CASD1: variants seen among roughly 807,000 people sequenced by gnomAD.
CASD1 encodes N-acetylneuraminate (7)9-O-acetyltransferase.
A neutral mutation model predicts 100.0 loss-of-function variants in CASD1; 41 were observed. The observed-to-expected ratio is 0.41, with a 90% CI of 0.32 to 0.53. The LOEUF (loss-of-function observed/expected upper bound fraction) is 0.53. Among genes scored for constraint, CASD1 ranks in the 20% least tolerant of loss-of-function variants. The pLI is 0.25. For synonymous variants in CASD1, 321 were observed against 315.6 expected, an observed-to-expected ratio of 1.02 and a Z score of -0.18; for missense variants, 774 against 948.7, an observed-to-expected ratio of 0.82 and a Z score of 2.42.
chr7:94,623,588 A>G, the CASD1 span: 3 of 589,444 alleles, frequency 5.1e-6, no homozygotes, highest in Non-Finnish European at 9.0e-6. Flanking sequence ...ATAAATAATT[A>G]GTCAGGTCTA....
the CASD1 span, among the ~76,000 whole-genome samples, chr7:94,592,244 C>A: frequency 6.6e-6 from 1 of 152,162 alleles, no homozygotes; most frequent in East Asian, 1.9e-4. Flanking sequence ...TACTTTATAA[C>A]AGCACTGCTT....
At chr7:94,603,465 G>A in the CASD1 span, 2 of 1,611,304 alleles carry the variant, frequency 1.2e-6, no homozygotes, top group Non-Finnish European at 1.7e-6. Flanking sequence ...GTAAAAATGT[G>A]AAACTCTCAG....
At chr7:94,575,973 G>T in the CASD1 span, among the ~76,000 whole-genome samples, 1 of 151,728 alleles carries the variant, frequency 6.6e-6, no homozygotes, top group Non-Finnish European at 1.5e-5. Flanking sequence ...CTCTGAGTTT[G>T]TCCTACTTGG....
rs1393012263 is a variant in CASD1, at chr7:94,556,953, A to T, written c.*1195A>T. 2 of 152,106 alleles carry T rather than the reference A, an allele frequency of 1.3e-5. No individual in the cohort carries two copies. Among genetic ancestry groups the T allele is most frequent in the Non-Finnish European group, 2.9e-5 (2 of 67,950 alleles). The allele number at this position is 152,106 out of a possible 1,614,324, so 9.4% of individuals were successfully genotyped here. On this transcript the variant is annotated 3_prime_UTR_variant, in exon 18 of 18. Coordinates refer to ENST00000297273, the MANE Select transcript of CASD1 (RefSeq NM_022900.5). ...GGAGTAATTTAAACAGTAAATAAAC[A>T]TTCTGTGGATGCTTATTTTTGTATT...
chr7:94,518,172 A>G (rs2116203193), intron 2 of CASD1, 31 bp from the exon 3 acceptor site: 3 of 1,472,976 alleles, frequency 2.0e-6, no homozygotes, highest in East Asian at 2.6e-5. Flanking sequence ...GATTTTACTT[A>G]TTTTAATTAA....
the CASD1 span, chr7:94,599,019 G>T: frequency 7.7e-7 from 1 of 1,291,406 alleles, no homozygotes; most frequent in Non-Finnish European, 1.1e-6. Flanking sequence ...TAGCCTGATG[G>T]GTCATCAATT....
intron 5 of CASD1, among the ~76,000 whole-genome samples, chr7:94,529,122 A>T (rs566634605): frequency 6.6e-6 from 1 of 152,288 alleles, no homozygotes; most frequent in Admixed American, 6.5e-5. Flanking sequence ...TTTCTGGTAA[A>T]TTGAGGTCTA....
intron 5 of CASD1, among the ~76,000 whole-genome samples, chr7:94,529,791 A>G (rs1002816400): frequency 6.6e-6 from 1 of 152,172 alleles, no homozygotes; most frequent in African/African-American, 2.4e-5. Flanking sequence ...TGAAAGTACC[A>G]TGGATAGACA....
chr7:94,609,817 AAC>A, the CASD1 span, among the ~76,000 whole-genome samples: 1 of 152,212 alleles, frequency 6.6e-6, no homozygotes, highest in African/African-American at 2.4e-5. Flanking sequence ...CTTACAAAAT[AAC>A]ATACTTTTAC....
chr7:94,595,730 A>G, the CASD1 span, among the ~76,000 whole-genome samples: 425 of 152,262 alleles, frequency 2.8e-3, 1 homozygote, highest in Non-Finnish European at 4.4e-3. Context: ...GAATTTGCAT[A>G]AAGGACAGCT....
chr7:94,631,550 C>A, the CASD1 span, among the ~76,000 whole-genome samples: 1 of 151,846 alleles, frequency 6.6e-6, no homozygotes, highest in African/African-American at 2.4e-5. Context: ...CAATATGGCT[C>A]TTAAAATACT....
At chr7:94,546,876 A>T (rs942315820) in intron 12 of CASD1, among the ~76,000 whole-genome samples, 15 of 151,934 alleles carry the variant, frequency 9.9e-5, no homozygotes, top group African/African-American at 3.6e-4. Context: ...TGTACAGGGT[A>T]TCAGTTATAC....
chr7:94,533,214 G>A lies in CASD1; in HGVS notation c.469G>A (p.Ala157Thr), dbSNP rs1236090321. The change falls in exon 6 of 18, where the codon GCA (alanine) becomes ACA (threonine). Residue 157 changes from alanine (A) to threonine (T), a missense_variant. Physicochemically the swap from Ala to Thr is moderately conservative, Grantham distance 58. This residue lies in a region of CASD1 where 453 missense variants were observed against 532.6 expected (regional missense o/e 0.85). Transcript: ENST00000297273. ...ATTTGTCTTCCTTTAGGATTCCATT[G>A]CAAAGCCACATGTGATTGTAGCAGG... ...CIKVWTEDSIAKPHVIVAGAA... is the reference protein window; with the variant it reads ...CIKVWTEDSITKPHVIVAGAA... 6.2e-7 allele frequency: 1 copy of A among 1,607,906 alleles called. No homozygotes were observed. The highest frequency in any genetic ancestry group is 1.1e-5 in the South Asian group (1 of 90,220).
At chr7:94,542,741 A>G (rs941948829) in intron 10 of CASD1, among the ~76,000 whole-genome samples, 1 of 152,204 alleles carries the variant, frequency 6.6e-6, no homozygotes, top group Non-Finnish European at 1.5e-5. Context: ...TAGGCAATCC[A>G]CGAAGGGGAT....
chr7:94,612,025 C>T, the CASD1 span, among the ~76,000 whole-genome samples: 2 of 152,132 alleles, frequency 1.3e-5, no homozygotes, highest in Non-Finnish European at 1.5e-5. Context: ...TTAAGCCTTG[C>T]ATACATTCAG....
At chr7:94,604,856 TA>T in the CASD1 span, among the ~76,000 whole-genome samples, 1 of 86,286 alleles carries the variant, frequency 1.2e-5, no homozygotes, top group Admixed American at 1.2e-4. Context: ...TATATATATA[TA>T]TAATAGTTGT....
intron 1 of CASD1, among the ~76,000 whole-genome samples, chr7:94,515,442 T>G (rs1395110702): frequency 6.6e-6 from 1 of 151,428 alleles, no homozygotes; most frequent in Non-Finnish European, 1.5e-5. Context: ...TACGGGTTCA[T>G]CAGATTAGAG....
At chr7:94,632,272 T>C in the CASD1 span, among the ~76,000 whole-genome samples, 1 of 151,974 alleles carries the variant, frequency 6.6e-6, no homozygotes, top group Non-Finnish European at 1.5e-5. Context: ...GGTCCTGAAG[T>C]GGAACCATTA....
At chr7:94,562,103 A>G in the CASD1 span, among the ~76,000 whole-genome samples, 1 of 152,126 alleles carries the variant, frequency 6.6e-6, no homozygotes, top group Non-Finnish European at 1.5e-5. Context: ...CCTTACTGTA[A>G]TATTTGCACC....
Sources: gnomAD v4.1 joint callset for allele counts (sites outside exome capture counted in the v4.1 genomes callset) on GRCh38, gnomAD v4.1.1 for gene constraint, gnomAD v4.1.1 regional missense constraint, MANE v1.5 for transcripts, NCBI Gene and HGNC (gene_info 2026-07-23, HGNC 2026-07-21) for gene names.